Variants in C2CD2L observed in about 807,000 individuals in gnomAD.
C2CD2L encodes the protein C2CD2 like.
C2CD2L carries 24 observed loss-of-function variants against 69.9 expected under a neutral mutation model. That is an observed-to-expected ratio of 0.34 (90% CI 0.25 to 0.48). The LOEUF is 0.48. Among genes scored for constraint, C2CD2L ranks in the 20% least tolerant of loss-of-function variants. The pLI, the probability that C2CD2L is intolerant of heterozygous loss-of-function variation, is 0.99. For missense variants in C2CD2L, 811 were observed against 941.5 expected (o/e 0.86, Z 1.81); for synonymous variants, 367 against 391.0 (o/e 0.94, Z 0.72).
intron 10 of C2CD2L, 154 bp from the exon 11 acceptor site, chr11:119,113,457 C>T (rs1216593255): frequency 8.4e-7 from 1 of 1,191,462 alleles, no homozygotes; most frequent in East Asian, 2.6e-5. Context: ...GTCTTTTAGT[C>T]CCCACGGCAT....
At chr11:119,104,645 G>A (rs4936463), upstream of C2CD2L, among the ~76,000 whole-genome samples, 9,379 of 152,266 alleles carry the variant, frequency 0.062, 450 homozygotes, top group South Asian at 0.28. Flanking sequence ...TGCTGAAGCC[G>A]GCCCTAGGAT....
Position 119,114,543 on chromosome 11 carries a change from C to A in C2CD2L, c.1909+178C>A. On this transcript the variant is annotated intron_variant, in intron 13 of 13. Transcript: ENST00000648610. The surrounding 1 kb of genome is among the most constrained non-coding windows in gnomAD (Gnocchi z 5.1). ...TGGTGCCTTGGTTCCTGGCCTAGAT[C>A]TGACATGCTTGTGATAGGAAGGGAT... 1.6e-6 allele frequency: 1 copy of A among 623,208 alleles called. No homozygotes were observed. The highest frequency in any genetic ancestry group is 2.8e-6 in the Non-Finnish European group (1 of 356,808). 38.6% of individuals were successfully genotyped at this position (623,208 alleles called of 1,614,324 possible).
Position 119,114,323 on chromosome 11 carries a change from T to C in C2CD2L, c.1867T>C (p.Ser623Pro). 6.2e-7 allele frequency: 1 copy of C among 1,613,984 alleles called. No individual in the cohort carries two copies. The highest frequency in any genetic ancestry group is 8.5e-7 in the Non-Finnish European group (1 of 1,179,984). ...GGATGATATTGAGTCGGAAACGGGG[T>C]CCACTGGTGCCCTGGAGACCCGCAG... ...SVDDIESETG[S>P]TGALETRSLK... Residue 623 changes from serine to proline, a missense_variant, in exon 13 of 14, where the codon TCC becomes CCC. Transcript: ENST00000648610. The surrounding 1 kb of genome is among the most constrained non-coding windows in gnomAD (Gnocchi z 5.1).
Position 119,110,150 on chromosome 11 carries a change from G to A in C2CD2L, c.401G>A (p.Arg134Lys), listed in dbSNP as rs1946696468. The A allele has an allele frequency of 6.2e-7, 1 of 1,613,940 alleles. No individual in the cohort carries two copies. The highest frequency in any genetic ancestry group is 1.1e-5 in the South Asian group (1 of 91,072). Residue 134 changes from arginine to lysine, a missense_variant, in exon 2 of 14, where the codon AGA becomes AAA. By Grantham distance (26) the Arg-to-Lys change is conservative (BLOSUM62 2). Transcript: ENST00000648610. This position sits in a 1 kb window ranked among gnomAD's most constrained non-coding sequence, Gnocchi z 5.7. ...AFEEVPQLPP[R>K]ASISHVTCVD... ...GAGGAGGTGCCCCAACTCCCACCCA[G>A]AGCCAGCATCAGTCATGTGACCTGC...
At position 119,112,898 on chromosome 11, in the gene C2CD2L, C is replaced by G. The variant is rs778507109; in HGVS notation, c.1387+24C>G. The G allele has an allele frequency of 4.4e-6, 7 of 1,606,734 alleles. No individual in the cohort carries two copies. In the African/African-American group the frequency reaches 9.4e-5, roughly 22 times the overall value. ...AGGTAAAGAGAAGGAGCCTGGGAGCCCAGCTCTAGCCAGGGGCCCGGGACT... is the reference window on the plus strand; with the variant it reads ...AGGTAAAGAGAAGGAGCCTGGGAGCGCAGCTCTAGCCAGGGGCCCGGGACT... On this transcript the variant is annotated intron_variant, in intron 10 of 13. Transcript: ENST00000648610.
upstream of C2CD2L, among the ~76,000 whole-genome samples, chr11:119,103,995 C>A (rs1946549610): frequency 1.3e-5 from 2 of 152,184 alleles, no homozygotes; most frequent in South Asian, 4.1e-4. Context: ...AGGAAGGCAT[C>A]ATCACACATA....
At position 119,113,994 on chromosome 11, in the gene C2CD2L, A is replaced by G. The variant is rs1946820280; in HGVS notation, c.1623+6A>G. On this transcript the variant is annotated splice_donor_region_variant and intron_variant, in intron 12 of 13. Coordinates refer to ENST00000648610, the MANE Select transcript of C2CD2L (RefSeq NM_001290474.2). ...TCATCTCTGGTGTTTCCAAGGTAAC[A>G]GGGCTCTGGGGAGAGGAGCTGGGAT... The G allele has an allele frequency of 1.2e-6, 2 of 1,613,926 alleles. No homozygotes were observed. The highest frequency in any genetic ancestry group is 1.7e-6 in the Non-Finnish European group (2 of 1,179,924).
chr11:119,114,981 G>A lies in C2CD2L; in HGVS notation c.1909+616G>A. On this transcript the variant is annotated intron_variant, in intron 13 of 13. Coordinates refer to ENST00000648610, the MANE Select transcript of C2CD2L (RefSeq NM_001290474.2). This position sits in a 1 kb window ranked among gnomAD's most constrained non-coding sequence, Gnocchi z 5.1. ...AAAAATTTTTTTTTTCCATGGCTGG[G>A]CACGGTGGTTAATGCCTGTAATCCT... The A allele has an allele frequency of 6.6e-6, 1 of 151,120 alleles. No individual in the cohort carries two copies. The highest frequency in any genetic ancestry group is 1.4e-5 in the Non-Finnish European group (1 of 69,186). The allele number at this position is 151,120 out of a possible 1,614,324, so 9.4% of individuals were successfully genotyped here. A position where few individuals can be genotyped will look rare whatever the true frequency, so the allele number is the denominator to read the frequency against.
In C2CD2L at chr11:119,118,487, A is replaced by G. The variant is rs1946944234; in HGVS notation, c.*2231A>G. 1 of 152,358 alleles carries G rather than the reference A, an allele frequency of 6.6e-6. No homozygotes were observed. Among genetic ancestry groups the G allele is most frequent in the African/African-American group, 2.4e-5 (1 of 41,436 alleles). 9.4% of individuals were successfully genotyped at this position (152,358 alleles called of 1,614,324 possible). ...GTGTGTGTGTTGGGCGATGATAATG[A>G]TGTCCATTGCTGTGTGACAGCTTGG... On this transcript the variant is annotated 3_prime_UTR_variant, in exon 14 of 14. Coordinates refer to ENST00000648610, the MANE Select transcript of C2CD2L (RefSeq NM_001290474.2).
At position 119,116,052 on chromosome 11, in the gene C2CD2L, C is replaced by G. The variant is rs753424701; in HGVS notation, c.1917C>G (p.Phe639Leu). 3.7e-6 allele frequency: 6 copies of G among 1,613,554 alleles called. No individual in the cohort carries two copies. Among genetic ancestry groups the G allele is most frequent in the Admixed American group, 3.3e-5 (2 of 59,992 alleles). Residue 639 changes from phenylalanine (F) to leucine (L), a missense_variant, in exon 14 of 14, where the codon TTC becomes TTG. Transcript: ENST00000648610. ...TCCCCTCTTCCCCTGCAGTGAGTTT[C>G]CTGCGCAGCGGCACTAAGCTCATCT... ...TRSLKDHKVSFLRSGTKLIFR... is the reference protein window; with the variant it reads ...TRSLKDHKVSLLRSGTKLIFR...
At chr11:119,108,143 G>C (rs1484597846) in intron 1 of C2CD2L, 48 bp downstream of exon 1, 5 of 1,332,154 alleles carry the variant, frequency 3.8e-6, no homozygotes, top group Non-Finnish European at 5.2e-6. Flanking sequence ...TTTCCTTCCA[G>C]GGGAGGGACT....
chr11:119,110,227 T>C lies in C2CD2L; in HGVS notation c.450+28T>C, dbSNP rs1173579916. 6.5e-7 allele frequency: 1 copy of C among 1,539,074 alleles called. No homozygotes were observed. Among genetic ancestry groups the C allele is most frequent in the Non-Finnish European group, 9.0e-7 (1 of 1,111,688 alleles). Reference sequence around the variant, plus strand: ...AAGGGTCTGATGGGCACTGCCCTCTTTGGGGTCCAAGAAGGACTGACCCCA... The same window carrying C: ...AAGGGTCTGATGGGCACTGCCCTCTCTGGGGTCCAAGAAGGACTGACCCCA... On this transcript the variant is annotated intron_variant, in intron 2 of 13. Transcript: ENST00000648610. This position sits in a 1 kb window ranked among gnomAD's most constrained non-coding sequence, Gnocchi z 5.7.
Position 119,110,270 on chromosome 11 carries a change from A to G in C2CD2L, c.450+71A>G. 2.6e-6 allele frequency: 3 copies of G among 1,163,678 alleles called. No homozygotes were observed. Among genetic ancestry groups the G allele is most frequent in the Middle Eastern group, 1.9e-4 (1 of 5,210 alleles). 72.1% of individuals were successfully genotyped at this position (1,163,678 alleles called of 1,614,324 possible). A position where few individuals can be genotyped will look rare whatever the true frequency, so the allele number is the denominator to read the frequency against. ...TGACCCCAAGGGCTCCCTTTAGTCC[A>G]GAGGTTCTTAACCTGGAGTCTGTGA... is the stretch of plus-strand genomic sequence containing the variant. On this transcript the variant is annotated intron_variant, in intron 2 of 13. Coordinates refer to ENST00000648610, the MANE Select transcript of C2CD2L (RefSeq NM_001290474.2). This position sits in a 1 kb window ranked among gnomAD's most constrained non-coding sequence, Gnocchi z 5.7.
In C2CD2L at chr11:119,118,205, C is replaced by T. The variant is rs1946937708; in HGVS notation, c.*1949C>T. 6.6e-6 allele frequency: 1 copy of T among 152,096 alleles called. No individual in the cohort carries two copies. Among genetic ancestry groups the T allele is most frequent in the Admixed American group, 6.5e-5 (1 of 15,270 alleles). 9.4% of individuals were successfully genotyped at this position (152,096 alleles called of 1,614,324 possible). ...GTGTGCGCATCGCCCAAATAGTGAA[C>T]ATCATACCCAATAGGTAGTTTTTCA... On this transcript the variant is annotated 3_prime_UTR_variant, in exon 14 of 14. Transcript: ENST00000648610.
At chr11:119,108,536 C>G (rs573089365) in intron 1 of C2CD2L, among the ~76,000 whole-genome samples, 3 of 152,344 alleles carry the variant, frequency 2.0e-5, no homozygotes, top group South Asian at 2.1e-4. Flanking sequence ...GAATCACCCC[C>G]CTACCCGACA....
At position 119,107,730 on chromosome 11, in the gene C2CD2L, C is replaced by G. The variant is rs750287598; in HGVS notation, c.-12C>G. On this transcript the variant is annotated 5_prime_UTR_variant, in exon 1 of 14. Coordinates refer to ENST00000648610, the MANE Select transcript of C2CD2L (RefSeq NM_001290474.2). This position sits in a 1 kb window ranked among gnomAD's most constrained non-coding sequence, Gnocchi z 5.4. ...GCCCCAGCCGGGACCGGGATCGGAG[C>G]CCGCGCGGAGCATGGATCCGGGCTG... 4 of 1,475,630 alleles carry G rather than the reference C, an allele frequency of 2.7e-6. No homozygotes were observed. The Admixed American group carries it at 1.1e-4, about 39-fold the overall frequency. The allele number at this position is 1,475,630 out of a possible 1,614,324, so 91.4% of individuals were successfully genotyped here.
rs1175550296 is a variant in C2CD2L, at chr11:119,107,579, C to G, written c.-163C>G. ...CCCCCGAGGACCTCCTCTCCTCGCCCTGTGGCACCCACTAGTCCTGGGCAC... is the reference window on the plus strand; with the variant it reads ...CCCCCGAGGACCTCCTCTCCTCGCCGTGTGGCACCCACTAGTCCTGGGCAC... On this transcript the variant is annotated 5_prime_UTR_variant, in exon 1 of 14. Transcript: ENST00000648610. The surrounding 1 kb of genome is among the most constrained non-coding windows in gnomAD (Gnocchi z 5.4). 2.5e-5 allele frequency: 11 copies of G among 431,474 alleles called. No homozygotes were observed. The Admixed American group carries it at 2.7e-4, about 11-fold the overall frequency. 26.7% of individuals were successfully genotyped at this position (431,474 alleles called of 1,614,324 possible).
At chr11:119,105,513 GC>G (rs1474445134), upstream of C2CD2L, among the ~76,000 whole-genome samples, 1 of 152,116 alleles carries the variant, frequency 6.6e-6, no homozygotes, top group African/African-American at 2.4e-5. Flanking sequence ...GATGGCGCAT[GC>G]CTATAGTCCC....
chr11:119,113,813 C>A, intron 11 of C2CD2L, 42 bp from the exon 12 acceptor site: 1 of 1,611,756 alleles, frequency 6.2e-7, no homozygotes, highest in Non-Finnish European at 8.5e-7. Flanking sequence ...CAAGAAAGAG[C>A]CAGGGAGAAG....
Sources: allele counts gnomAD v4.1 joint callset (sites outside exome capture counted in the v4.1 genomes callset), GRCh38; gene constraint gnomAD v4.1.1; non-coding constraint Gnocchi (gnomAD v3.1); transcripts MANE v1.5; gene names NCBI Gene and HGNC (gene_info 2026-07-23, HGNC 2026-07-21).